Variants in RBFOX1 observed in about 807,000 individuals in gnomAD.
RBFOX1 encodes RNA binding protein fox-1 homolog 1.
Under a neutral mutation model 57.7 loss-of-function variants are expected in RBFOX1, and 8 were observed. The observed-to-expected ratio is 0.14, with a 90% CI of 0.08 to 0.25. The LOEUF (loss-of-function observed/expected upper bound fraction) is 0.25. Ranked by LOEUF, RBFOX1 falls within the 10% of genes least tolerant of loss-of-function variation. The pLI is 1.00. For synonymous variants in RBFOX1, 326 were observed against 222.4 expected, an observed-to-expected ratio of 1.47 and a Z score of -4.15; for missense variants, 611 against 548.5, an observed-to-expected ratio of 1.11 and a Z score of -1.14.
At position 7,596,923 on chromosome 16, in the gene RBFOX1, G is replaced by A. The variant is rs553587590; in HGVS notation, c.562-448G>A. Among the ~76,000 whole-genome samples, 305 of 152,208 alleles carry A rather than the reference G, an allele frequency of 2.0e-3. 1 individual carries two copies. The highest frequency in any genetic ancestry group is 3.5e-3 in the Non-Finnish European group (236 of 67,998). ...TCTTTCCTCCTAAAGTGTTGCACAC[G>A]GCTAAGACTTGTTTGTCCCTTTTTT... On this transcript the variant is annotated intron_variant, in intron 8 of 15. Coordinates refer to ENST00000550418, the MANE Select transcript of RBFOX1 (RefSeq NM_018723.4).
intron 3 of RBFOX1, among the ~76,000 whole-genome samples, chr16:6,659,634 AGTCT>A (rs2098688720): frequency 6.6e-6 from 1 of 152,122 alleles, no homozygotes; most frequent in Non-Finnish European, 1.5e-5. Context: ...CTTACTCCAG[AGTCT>A]GTCCTCTTAG....
At chr16:6,039,703 G>A (rs1423349601) in intron 1 of RBFOX1, among the ~76,000 whole-genome samples, 1 of 152,218 alleles carries the variant, frequency 6.6e-6, no homozygotes, top group African/African-American at 2.4e-5. Flanking sequence ...TTTAAAATCT[G>A]CCTTTTATGG....
chr16:7,334,629 T>C (rs1277490516), intron 4 of RBFOX1, among the ~76,000 whole-genome samples: 1 of 152,208 alleles, frequency 6.6e-6, no homozygotes, highest in Non-Finnish European at 1.5e-5. Flanking sequence ...TGGGTGAATG[T>C]AATCAGGTTT....
intron 4 of RBFOX1, among the ~76,000 whole-genome samples, chr16:7,408,233 C>G (rs1415198082): frequency 1.3e-5 from 2 of 152,294 alleles, no homozygotes; most frequent in Non-Finnish European, 2.9e-5. Flanking sequence ...GACTGACACT[C>G]AAATCATTTA....
chr16:6,093,823 T>TC (rs2152538130), intron 1 of RBFOX1, among the ~76,000 whole-genome samples: 1 of 152,066 alleles, frequency 6.6e-6, no homozygotes, highest in South Asian at 2.1e-4. Context: ...TCTCACTGTG[T>TC]TGCCCAGGCT....
intron 1 of RBFOX1, among the ~76,000 whole-genome samples, chr16:5,357,853 A>G (rs930844413): frequency 6.6e-6 from 1 of 152,234 alleles, no homozygotes; most frequent in Admixed American, 6.5e-5. Context: ...TGTTCCTTAA[A>G]TGCTGTTTGA....
intron 4 of RBFOX1, among the ~76,000 whole-genome samples, chr16:7,504,757 A>ATATT (rs1567554565): frequency 0.017 from 159 of 9,378 alleles, 12 homozygotes; most frequent in Middle Eastern, 0.056. Context: ...ATATATATTT[A>ATATT]TATATATATA....
intron 3 of RBFOX1, among the ~76,000 whole-genome samples, chr16:7,023,519 G>T (rs1178461488): frequency 7.2e-6 from 1 of 138,942 alleles, no homozygotes; most frequent in Admixed American, 7.7e-5. Context: ...TTGATGCCAG[G>T]GCTTTAAGAA....
chr16:7,637,200 TA>T (rs1263460863), intron 11 of RBFOX1, among the ~76,000 whole-genome samples: 1 of 150,426 alleles, frequency 6.6e-6, no homozygotes, highest in East Asian at 2.0e-4. Context: ...CCCATCAGGA[TA>T]AATCCTAAAG....
In RBFOX1 at chr16:6,836,611, T is replaced by C. The variant is rs538687875; in HGVS notation, c.-16+181961T>C. ...CTTTCAAGACTTGGCTCAAGGGGTGTATCTTCTGTGAAGGTCTTACGGACT... is the reference window on the plus strand; with the variant it reads ...CTTTCAAGACTTGGCTCAAGGGGTGCATCTTCTGTGAAGGTCTTACGGACT... On this transcript the variant is annotated intron_variant, in intron 3 of 15. Transcript: ENST00000550418. Among the ~76,000 whole-genome samples, 15 of 152,292 alleles carry C rather than the reference T, an allele frequency of 9.8e-5. No homozygotes were observed. In the South Asian group the frequency reaches 3.1e-3, roughly 32 times the overall value.
intron 4 of RBFOX1, among the ~76,000 whole-genome samples, chr16:7,321,590 C>T (rs2096546292): frequency 6.6e-6 from 1 of 152,134 alleles, no homozygotes; most frequent in African/African-American, 2.4e-5. Context: ...TCTTGTTTTC[C>T]TCACAGTAAT....
intron 4 of RBFOX1, chr16:7,333,087 A>T (rs780902521): frequency 2.5e-6 from 4 of 1,613,258 alleles, no homozygotes; most frequent in South Asian, 1.1e-5. Flanking sequence ...GGACTGATTC[A>T]GGTAATTCAA....
chr16:5,662,430 G>C (rs560675345), intron 3 of RBFOX1, among the ~76,000 whole-genome samples: 38 of 152,256 alleles, frequency 2.5e-4, no homozygotes, highest in African/African-American at 7.7e-4. Context: ...ATCACTTTCA[G>C]ACACGTTCTG....
chr16:7,570,362 C>T (rs1047022846), intron 5 of RBFOX1, among the ~76,000 whole-genome samples: 1 of 152,034 alleles, frequency 6.6e-6, no homozygotes, highest in Non-Finnish European at 1.5e-5. Context: ...TTCTAATTAT[C>T]CCCTCTCCCC....
chr16:7,526,485 G>C (rs892515968), intron 5 of RBFOX1, among the ~76,000 whole-genome samples: 4 of 152,092 alleles, frequency 2.6e-5, no homozygotes, highest in Admixed American at 6.5e-5. Flanking sequence ...CCCTTCCTCA[G>C]CTGTGACCCT....
intron 3 of RBFOX1, among the ~76,000 whole-genome samples, chr16:6,872,637 G>A (rs1226842935): frequency 6.6e-6 from 1 of 152,090 alleles, no homozygotes; most frequent in African/African-American, 2.4e-5. Flanking sequence ...TTCCTGCAGT[G>A]GCAACGGTTA....
chr16:6,390,904 C>T (rs73532364), intron 2 of RBFOX1, among the ~76,000 whole-genome samples: 4,388 of 152,096 alleles, frequency 0.029, 213 homozygotes, highest in African/African-American at 0.099. Context: ...GAAGTGGAGA[C>T]GGGCTTGTGG....
intron 2 of RBFOX1, among the ~76,000 whole-genome samples, chr16:6,517,489 C>T (rs576637258): frequency 6.6e-6 from 1 of 152,108 alleles, no homozygotes; most frequent in Admixed American, 6.5e-5. Flanking sequence ...TCTCCTGTCT[C>T]CCAGCTGGCT....
intron 4 of RBFOX1, among the ~76,000 whole-genome samples, chr16:7,419,791 C>G (rs1287432324): frequency 6.6e-6 from 1 of 152,182 alleles, no homozygotes; most frequent in African/African-American, 2.4e-5. Context: ...ACACATCGCA[C>G]ACTGAAGAAA....
Sources: gnomAD v4.1 joint callset for allele counts (sites outside exome capture counted in the v4.1 genomes callset) on GRCh38, gnomAD v4.1.1 for gene constraint, MANE v1.5 for transcripts, NCBI Gene and HGNC (gene_info 2026-07-23, HGNC 2026-07-21) for gene names.